GRK4: variants seen among roughly 807,000 people sequenced by gnomAD.
The protein encoded by GRK4 is G protein-coupled receptor kinase 4.
Under a neutral mutation model 77.9 loss-of-function variants are expected in GRK4, and 73 were observed. The observed-to-expected ratio is 0.94, with a 90% CI of 0.78 to 1.14. The LOEUF (loss-of-function observed/expected upper bound fraction) is 1.14. GRK4 is among the 50% of genes most tolerant of loss of function. GRK4 has a pLI of 0.00. For missense variants in GRK4, 729 were observed against 700.2 expected (o/e 1.04, Z -0.46); for synonymous variants, 257 against 254.4 (o/e 1.01, Z -0.10).
rs1735517339 is a variant in GRK4 at position 3,019,632 on chromosome 4, T to C, written c.742-9T>C. On this transcript the variant is annotated splice_polypyrimidine_tract_variant and intron_variant, in intron 8 of 15. Coordinates refer to ENST00000398052, the MANE Select transcript of GRK4 (RefSeq NM_182982.3). ...TCGTGTTCTGTTTTTATGATGTTGCTGTCTTTAGGTTAGTTTAGCCTACGC... is the reference window on the plus strand; with the variant it reads ...TCGTGTTCTGTTTTTATGATGTTGCCGTCTTTAGGTTAGTTTAGCCTACGC... 1.3e-6 allele frequency: 2 copies of C among 1,590,888 alleles called. No homozygotes were observed. Among genetic ancestry groups the C allele is most frequent in the Non-Finnish European group, 1.7e-6 (2 of 1,167,448 alleles).
intron 10 of GRK4, among the ~76,000 whole-genome samples, chr4:3,025,144 G>A (rs554597820): frequency 1.3e-5 from 2 of 151,424 alleles, no homozygotes; most frequent in East Asian, 4.0e-4. Context: ...GGTAATACAT[G>A]CCTGTAGTCC....
At chr4:2,971,389 C>T (rs1359959213) in intron 1 of GRK4, among the ~76,000 whole-genome samples, 2 of 152,224 alleles carry the variant, frequency 1.3e-5, no homozygotes, top group African/African-American at 2.4e-5. Context: ...AGAGGACTGT[C>T]AGCACCTCAT....
intron 7 of GRK4, among the ~76,000 whole-genome samples, chr4:3,011,163 T>A (rs182000439): frequency 6.6e-6 from 1 of 152,308 alleles, no homozygotes; most frequent in Admixed American, 6.5e-5. Context: ...GAGGAAAAAT[T>A]TCTGGAACAT....
At chr4:3,013,435 T>G (rs1733490574) in intron 7 of GRK4, among the ~76,000 whole-genome samples, 1 of 152,180 alleles carries the variant, frequency 6.6e-6, no homozygotes, top group Non-Finnish European at 1.5e-5. Context: ...CATTTAAAAA[T>G]TAAACATTTA....
chr4:2,992,723 G>A (rs577683597), intron 4 of GRK4, among the ~76,000 whole-genome samples: 28 of 152,152 alleles, frequency 1.8e-4, no homozygotes, highest in African/African-American at 6.3e-4. Flanking sequence ...TTTCATGCCT[G>A]TAATCTCAGC....
At chr4:3,013,936 T>C (rs1733670521) in intron 8 of GRK4, 108 bp downstream of exon 8, 1 of 1,258,728 alleles carries the variant, frequency 7.9e-7, no homozygotes, top group Non-Finnish European at 1.1e-6. Context: ...AGTCATTTCT[T>C]GTTTTCTGAG....
intron 4 of GRK4, among the ~76,000 whole-genome samples, chr4:3,002,226 G>C (rs1054005357): frequency 6.6e-6 from 1 of 152,100 alleles, no homozygotes; most frequent in African/African-American, 2.4e-5. Flanking sequence ...GATGTAACTG[G>C]GGGCAGATAA....
At chr4:3,040,419 C>T (rs1052916143) in intron 15 of GRK4, among the ~76,000 whole-genome samples, 153 bp from the exon 16 acceptor site, 62 of 151,934 alleles carry the variant, frequency 4.1e-4, no homozygotes, top group African/African-American at 1.4e-3. Flanking sequence ...CCAGCCTGGG[C>T]GACAGAGTGA....
intron 1 of GRK4, among the ~76,000 whole-genome samples, chr4:2,979,352 T>C (rs1722148902): frequency 7.2e-6 from 1 of 139,116 alleles, no homozygotes; most frequent in African/African-American, 2.8e-5. Context: ...TGCAATCATC[T>C]GAGATGGTGC....
intron 1 of GRK4, among the ~76,000 whole-genome samples, chr4:2,979,793 C>G (rs1007169769): frequency 6.6e-6 from 1 of 152,148 alleles, no homozygotes; most frequent in Admixed American, 6.6e-5. Context: ...GTAGCTGGAT[C>G]TCTTGAGTCC....
intron 5 of GRK4, 148 bp from the exon 6 acceptor site, chr4:3,007,588 G>A (rs1456934187): frequency 2.2e-5 from 11 of 506,542 alleles, no homozygotes; most frequent in South Asian, 9.1e-5. Context: ...AGAACCTAAC[G>A]TGGACTTCTG....
At chr4:2,965,820 C>T (rs900220483) in intron 1 of GRK4, 3 of 260,464 alleles carry the variant, frequency 1.2e-5, no homozygotes, top group Non-Finnish European at 2.3e-5. Context: ...GAGCAGTATG[C>T]GTTCTCAGCA....
At chr4:3,005,479 C>T (rs1014326432) in intron 5 of GRK4, among the ~76,000 whole-genome samples, 1 of 152,052 alleles carries the variant, frequency 6.6e-6, no homozygotes, top group Non-Finnish European at 1.5e-5. Context: ...GGGGCTGGAC[C>T]CTGATGCTTT....
intron 12 of GRK4, among the ~76,000 whole-genome samples, chr4:3,030,426 T>G (rs568928002): frequency 6.6e-6 from 1 of 152,302 alleles, no homozygotes; most frequent in Admixed American, 6.5e-5. Context: ...GCACATTTTT[T>G]TTTTCATTTA....
At chr4:2,992,496 A>G (rs1482211016) in intron 4 of GRK4, among the ~76,000 whole-genome samples, 1 of 152,086 alleles carries the variant, frequency 6.6e-6, no homozygotes, top group Admixed American at 6.6e-5. Context: ...CATGGCCAAC[A>G]TAGTGAGACC....
chr4:3,001,089 A>ATATATATATATG, intron 4 of GRK4, among the ~76,000 whole-genome samples: 7 of 82,428 alleles, frequency 8.5e-5, no homozygotes, highest in African/African-American at 1.2e-4. Flanking sequence ...ATATATATAT[A>ATATATATATATG]TGTGTGTGTG....
At chr4:3,014,592 G>A (rs954472240) in intron 8 of GRK4, among the ~76,000 whole-genome samples, 3 of 152,060 alleles carry the variant, frequency 2.0e-5, no homozygotes, top group East Asian at 1.9e-4. Context: ...TCAGGAGTTC[G>A]AGACCAGCCT....
At chr4:3,022,624 G>A (rs1032830767) in intron 10 of GRK4, among the ~76,000 whole-genome samples, 173 bp downstream of exon 10, 16 of 152,158 alleles carry the variant, frequency 1.1e-4, no homozygotes, top group African/African-American at 3.9e-4. Flanking sequence ...TGACAATTTG[G>A]TCATTCCCCT....
intron 7 of GRK4, among the ~76,000 whole-genome samples, chr4:3,012,939 C>T (rs1733323382): frequency 6.6e-6 from 1 of 151,734 alleles, no homozygotes. Flanking sequence ...GTCAGGAGTT[C>T]AAGACCAGCC....
Sources: gnomAD v4.1 joint callset for allele counts (sites outside exome capture counted in the v4.1 genomes callset) on GRCh38, gnomAD v4.1.1 for gene constraint, MANE v1.5 for transcripts, NCBI Gene and HGNC (gene_info 2026-07-23, HGNC 2026-07-21) for gene names.